Variants in SPART observed in about 807,000 individuals in gnomAD.
SPART encodes the protein spastic paraplegia 20 (Troyer syndrome).
A neutral mutation model predicts 58.7 loss-of-function variants in SPART; 35 were observed. That is an observed-to-expected ratio of 0.60 (90% CI 0.46 to 0.79). The LOEUF (loss-of-function observed/expected upper bound fraction) is 0.79. Among genes scored for constraint, SPART ranks in the 30% least tolerant of loss-of-function variants. The pLI, the probability that SPART is intolerant of heterozygous loss-of-function variation, is 0.00. For synonymous variants in SPART, 284 were observed against 280.7 expected (o/e 1.01, Z -0.12); for missense variants, 730 against 786.1 (o/e 0.93, Z 0.85).
intron 2 of SPART, among the ~76,000 whole-genome samples, chr13:36,332,165 C>A (rs1883522643): frequency 6.6e-6 from 1 of 152,062 alleles, no homozygotes; most frequent in East Asian, 1.9e-4. Flanking sequence ...TAGTCTGGAC[C>A]AGAGAAGCTG....
At chr13:36,311,678 T>G (rs953034114) in intron 8 of SPART, among the ~76,000 whole-genome samples, 2 of 152,228 alleles carry the variant, frequency 1.3e-5, no homozygotes, top group Admixed American at 6.5e-5. Context: ...ATTCTGTTAT[T>G]ATACTAGAAA....
intron 1 of SPART, among the ~76,000 whole-genome samples, chr13:36,368,935 G>GAA (rs1886171741): frequency 2.0e-5 from 3 of 152,186 alleles, no homozygotes; most frequent in African/African-American, 7.2e-5. Flanking sequence ...GGAGGCGGAG[G>GAA]TTTCAGTGAG....
At chr13:36,318,408 C>G (rs1042779367) in intron 5 of SPART, among the ~76,000 whole-genome samples, 2 of 152,108 alleles carry the variant, frequency 1.3e-5, no homozygotes, top group African/African-American at 4.8e-5. Flanking sequence ...TGGCAACAAC[C>G]CTGAGACACT....
At chr13:36,316,495 T>C (rs748932606) in intron 5 of SPART, among the ~76,000 whole-genome samples, 11 of 152,174 alleles carry the variant, frequency 7.2e-5, no homozygotes, top group Non-Finnish European at 1.5e-4. Context: ...TTGCCTTAAG[T>C]GATGACATTA....
At chr13:36,337,657 T>C (rs1370779654) in intron 1 of SPART, among the ~76,000 whole-genome samples, 1 of 152,224 alleles carries the variant, frequency 6.6e-6, no homozygotes, top group African/African-American at 2.4e-5. Context: ...CTTTATAAAG[T>C]ACCCAGTCTT....
At chr13:36,327,918 C>T (rs1315908531) in intron 4 of SPART, among the ~76,000 whole-genome samples, 9 of 152,082 alleles carry the variant, frequency 5.9e-5, no homozygotes, top group Non-Finnish European at 1.2e-4. Context: ...TGCTTGAACC[C>T]GGGAGGCGGA....
At chr13:36,354,275 C>T (rs1045138128) in intron 1 of SPART, among the ~76,000 whole-genome samples, 12 of 152,168 alleles carry the variant, frequency 7.9e-5, no homozygotes, top group African/African-American at 1.4e-4. Flanking sequence ...AGTAATCTCA[C>T]GCTGTCCAGG....
chr13:36,333,489 G>T (rs1712059641), intron 2 of SPART, among the ~76,000 whole-genome samples: 1 of 149,440 alleles, frequency 6.7e-6, no homozygotes, highest in Admixed American at 6.7e-5. Flanking sequence ...TCCTTTTAAG[G>T]ACACTCTGCT....
In SPART at chr13:36,304,293, T is replaced by A; in HGVS notation, c.*72A>T. The A allele has an allele frequency of 1.3e-6, 2 of 1,566,566 alleles. No homozygotes were observed. Among genetic ancestry groups the A allele is most frequent in the Non-Finnish European group, 1.8e-6 (2 of 1,138,826 alleles). ...AAATACTGGTTAATCTGTGAGGAATTCCACATTTGCCTATTTAACAAAATT... is the reference window on the plus strand; with the variant it reads ...AAATACTGGTTAATCTGTGAGGAATACCACATTTGCCTATTTAACAAAATT... On this transcript the variant is annotated 3_prime_UTR_variant, in exon 9 of 9. Coordinates refer to ENST00000438666, the MANE Select transcript of SPART (RefSeq NM_015087.5).
At chr13:36,307,078 T>A (rs1880580103) in intron 8 of SPART, among the ~76,000 whole-genome samples, 1 of 152,206 alleles carries the variant, frequency 6.6e-6, no homozygotes, top group Admixed American at 6.5e-5. Context: ...TTAGTCCTTT[T>A]CTTCAGATTC....
At chr13:36,367,307 C>A (rs908362380) in intron 1 of SPART, among the ~76,000 whole-genome samples, 28 of 152,060 alleles carry the variant, frequency 1.8e-4, no homozygotes, top group African/African-American at 6.5e-4. Flanking sequence ...CACATATCCC[C>A]ACATGTGTAG....
chr13:36,342,456 A>C (rs1668289938), intron 1 of SPART, among the ~76,000 whole-genome samples: 1 of 152,174 alleles, frequency 6.6e-6, no homozygotes, highest in African/African-American at 2.4e-5. Context: ...AAGTTTACTG[A>C]CCCTGCACTA....
intron 5 of SPART, 106 bp from the exon 6 acceptor site, chr13:36,314,527 C>T: frequency 8.9e-7 from 1 of 1,117,780 alleles, no homozygotes; most frequent in Non-Finnish European, 1.3e-6. Flanking sequence ...GTTTGATATT[C>T]AGATGCTAAA....
chr13:36,345,064 T>C (rs757603181), intron 1 of SPART, among the ~76,000 whole-genome samples: 2 of 152,146 alleles, frequency 1.3e-5, no homozygotes, highest in Non-Finnish European at 2.9e-5. Flanking sequence ...CACTTAACAG[T>C]CAACATTACA....
In SPART at chr13:36,334,746, G is replaced by A. The variant is rs189512593; in HGVS notation, c.810+275C>T. On this transcript the variant is annotated intron_variant, in intron 2 of 8. Transcript: ENST00000438666. ...TTAAACTTATTAGATTTCTTCTTCAGATAAAGAATTAAAAATGTAAGGATG... is the reference window on the plus strand; with the variant it reads ...TTAAACTTATTAGATTTCTTCTTCAAATAAAGAATTAAAAATGTAAGGATG... Among the ~76,000 whole-genome samples, 1,048 of 152,102 alleles carry A rather than the reference G, an allele frequency of 6.9e-3. 17 individuals carry two copies. Among genetic ancestry groups the A allele is most frequent in the African/African-American group, 0.024 (1,006 of 41,500 alleles).
At chr13:36,334,134 A>G (rs1051474561) in intron 2 of SPART, among the ~76,000 whole-genome samples, 1 of 152,184 alleles carries the variant, frequency 6.6e-6, no homozygotes, top group African/African-American at 2.4e-5. Flanking sequence ...TCTTTCTTCA[A>G]TGCAAACTCC....
chr13:36,306,749 G>GA (rs35230544), intron 8 of SPART, among the ~76,000 whole-genome samples: 20 of 149,496 alleles, frequency 1.3e-4, no homozygotes, highest in East Asian at 1.9e-4. Flanking sequence ...ATTAATTTGG[G>GA]AAAAAAAAAC....
At chr13:36,354,028 A>G (rs1347042726) in intron 1 of SPART, among the ~76,000 whole-genome samples, 1 of 152,198 alleles carries the variant, frequency 6.6e-6, no homozygotes. Context: ...GTAACCTTAG[A>G]TGACACTGGG....
chr13:36,326,711 A>T lies in SPART; in HGVS notation c.1165-13T>A. 2 of 1,611,924 alleles carry T rather than the reference A, an allele frequency of 1.2e-6. No homozygotes were observed. The highest frequency in any genetic ancestry group is 1.7e-6 in the Non-Finnish European group (2 of 1,179,566). ...AAGTATCTTTAGCCTAAACAGTAAAAATGTTTCAAAATGTGAAGAGTTAGT... is the reference window on the plus strand; with the variant it reads ...AAGTATCTTTAGCCTAAACAGTAAATATGTTTCAAAATGTGAAGAGTTAGT... On this transcript the variant is annotated splice_polypyrimidine_tract_variant and intron_variant, in intron 4 of 8. Coordinates refer to ENST00000438666, the MANE Select transcript of SPART (RefSeq NM_015087.5).
Sources: allele counts gnomAD v4.1 joint callset (sites outside exome capture counted in the v4.1 genomes callset), GRCh38; gene constraint gnomAD v4.1.1; transcripts MANE v1.5; gene names NCBI Gene and HGNC (gene_info 2026-07-23, HGNC 2026-07-21).